CUX1: variants seen among roughly 807,000 people sequenced by gnomAD.
The protein encoded by CUX1 is cut like homeobox 1, also known as protein CASP.
Under a neutral mutation model 158.8 loss-of-function variants are expected in CUX1, and 31 were observed. That is an observed-to-expected ratio of 0.20 (90% CI 0.15 to 0.26). CUX1 has a LOEUF of 0.26. Among genes scored for constraint, CUX1 ranks in the 10% least tolerant of loss-of-function variants. The probability of loss-of-function intolerance (pLI) is 1.00; values close to 1 mark genes in which losing one functional copy is unlikely to be tolerated. For missense variants in CUX1, 1,589 were observed against 2,014.6 expected, an observed-to-expected ratio of 0.79 and a Z score of 4.04; for synonymous variants, 879 against 862.1, an observed-to-expected ratio of 1.02 and a Z score of -0.34.
At chr7:102,185,128 C>T (rs1315679529) in intron 11 of CUX1, among the ~76,000 whole-genome samples, 1 of 152,184 alleles carries the variant, frequency 6.6e-6, no homozygotes, top group Non-Finnish European at 1.5e-5. Context: ...CCTTCACGAA[C>T]AGAGCCCCTG....
At chr7:102,202,926 T>C (rs1554520201) in intron 18 of CUX1, among the ~76,000 whole-genome samples, 2 of 152,208 alleles carry the variant, frequency 1.3e-5, no homozygotes, top group African/African-American at 4.8e-5. Context: ...GGGTTAACCG[T>C]GCCTGCCAAA....
At chr7:102,240,753 G>A (rs1403096043) in intron 23 of CUX1, among the ~76,000 whole-genome samples, 3 of 152,152 alleles carry the variant, frequency 2.0e-5, no homozygotes, top group Admixed American at 6.6e-5. Context: ...GTATTTCACC[G>A]AGTTATATCA....
intron 20 of CUX1, chr7:102,280,871 G>A: frequency 1.2e-6 from 2 of 1,610,032 alleles, no homozygotes; most frequent in Non-Finnish European, 1.7e-6. Flanking sequence ...GTGAGTCCCT[G>A]CCCCTACCCA....
In CUX1 at chr7:102,248,913, C is replaced by G. The variant is rs185988286; in HGVS notation, c.4389C>G (p.Pro1463=). The G allele has an allele frequency of 1.4e-5, 21 of 1,451,376 alleles. No homozygotes were observed. The highest frequency in any genetic ancestry group is 1.3e-4 in the South Asian group (10 of 77,716). The allele number at this position is 1,451,376 out of a possible 1,614,324, so 89.9% of individuals were successfully genotyped here. ...CGCTGCAGAGCCTTTTCGGCCTCCC[C>G]GAGGCCGCGGGCGCCCGGGACTCGC... ...PSSLQSLFGL[P]EAAGARDSRD... Residue 1463 remains proline (P), a synonymous_variant, in exon 24 of 24, where the codon CCC becomes CCG. Transcript: ENST00000292535. The surrounding 1 kb of genome is among the most constrained non-coding windows in gnomAD (Gnocchi z 5.8).
rs1283239220 is a variant in CUX1, at chr7:102,250,120, T to G, written c.*1078T>G. On this transcript the variant is annotated 3_prime_UTR_variant, in exon 24 of 24. Coordinates refer to ENST00000292535, the MANE Select transcript of CUX1 (RefSeq NM_181552.4). ...ATTTTATAATCTGCTTTTTAACCTC[T>G]AACCGCAGAGCACGCTGATCAGACC... The G allele has an allele frequency of 7.1e-6, 7 of 985,198 alleles. No individual in the cohort carries two copies. The highest frequency in any genetic ancestry group is 1.7e-5 in the African/African-American group (1 of 57,206). The allele number at this position is 985,198 out of a possible 1,614,324, so 61.0% of individuals were successfully genotyped here.
chr7:101,901,148 T>A (rs941898770), intron 1 of CUX1, among the ~76,000 whole-genome samples: 1 of 152,152 alleles, frequency 6.6e-6, no homozygotes, highest in African/African-American at 2.4e-5. Flanking sequence ...GAACCTGGTC[T>A]ACCCCAAATG....
intron 18 of CUX1, among the ~76,000 whole-genome samples, chr7:102,204,058 C>T (rs1193539766): frequency 6.6e-6 from 1 of 152,196 alleles, no homozygotes; most frequent in Non-Finnish European, 1.5e-5. Flanking sequence ...GGTGCTTGTA[C>T]ACACCTCCTC....
chr7:101,999,030 C>A (rs911732289), intron 2 of CUX1, among the ~76,000 whole-genome samples: 1 of 151,934 alleles, frequency 6.6e-6, no homozygotes, highest in Admixed American at 6.6e-5. Flanking sequence ...GGAATGCTGG[C>A]CTCCATCGTG....
chr7:102,170,353 T>G (rs1554510034), intron 9 of CUX1, 93 bp from the exon 10 acceptor site: 1 of 841,106 alleles, frequency 1.2e-6, no homozygotes, highest in African/African-American at 1.7e-5. Flanking sequence ...TCAATTATAG[T>G]CAGTCAGGCA....
intron 3 of CUX1, among the ~76,000 whole-genome samples, chr7:102,068,936 TAC>T (rs1825837606): frequency 6.6e-6 from 1 of 152,192 alleles, no homozygotes; most frequent in African/African-American, 2.4e-5. Flanking sequence ...AACAGACGTC[TAC>T]ACTAGAGGAA....
chr7:101,873,342 CA>C (rs1262414246), intron 1 of CUX1, among the ~76,000 whole-genome samples: 3 of 97,646 alleles, frequency 3.1e-5, no homozygotes, highest in Non-Finnish European at 5.5e-5. Flanking sequence ...TCCCTCCCCC[CA>C]CCCCATATGT....
In CUX1 at chr7:102,017,290, C is replaced by CAAA. The variant is rs10629776; in HGVS notation, c.142-10794_142-10792dup. Among the ~76,000 whole-genome samples, 743 of 131,572 alleles carry CAAA rather than the reference C, an allele frequency of 5.6e-3. 51 individuals carry two copies. The highest frequency in any genetic ancestry group is 0.012 in the Middle Eastern group (3 of 242). The allele number at this position is 131,572 out of a possible 152,430, so 86.3% of individuals were successfully genotyped here. A position where few individuals can be genotyped will look rare whatever the true frequency, so the allele number is the denominator to read the frequency against. Reference sequence around the variant, plus strand: ...TGGGGGACACAGAGAGACTCCATCTCAAAAAAAAAAAAAAAAGTGAGCTTG... The same window carrying CAAA: ...TGGGGGACACAGAGAGACTCCATCTCAAAAAAAAAAAAAAAAAAAGTGAGCTTG... On this transcript the variant is annotated intron_variant, in intron 2 of 23. Transcript: ENST00000292535.
intron 1 of CUX1, among the ~76,000 whole-genome samples, chr7:101,853,384 CTGTTA>C (rs1020794087): frequency 1.3e-5 from 2 of 152,202 alleles, no homozygotes; most frequent in African/African-American, 4.8e-5. Context: ...GTGAGGTTGT[CTGTTA>C]TAACTGTGGT....
chr7:102,012,103 A>G (rs1183622731), intron 2 of CUX1, among the ~76,000 whole-genome samples: 1 of 152,196 alleles, frequency 6.6e-6, no homozygotes, highest in African/African-American at 2.4e-5. Context: ...TTCTAAAATA[A>G]TTTCACCCAA....
chr7:101,848,051 CAAAAAAAAAAA>C (rs57428019), intron 1 of CUX1, among the ~76,000 whole-genome samples: 1 of 65,378 alleles, frequency 1.5e-5, no homozygotes, highest in Non-Finnish European at 2.7e-5. Flanking sequence ...GAGCAAGACT[CAAAAAAAAAAA>C]AAAAAAAAAA....
At chr7:102,003,320 A>G (rs1816928250) in intron 2 of CUX1, among the ~76,000 whole-genome samples, 1 of 151,066 alleles carries the variant, frequency 6.6e-6, no homozygotes, top group African/African-American at 2.4e-5. Context: ...ACACACACAC[A>G]CACACACACA....
intron 8 of CUX1, among the ~76,000 whole-genome samples, chr7:102,148,208 G>A (rs1295283049): frequency 2.6e-5 from 4 of 152,120 alleles, no homozygotes; most frequent in Non-Finnish European, 5.9e-5. Context: ...ACCCAGGCCT[G>A]TAGGTGGGAC....
chr7:101,991,395 TC>T lies in CUX1; in HGVS notation c.142-36701del, dbSNP rs566372320. On this transcript the variant is annotated intron_variant, in intron 2 of 23. Transcript: ENST00000292535. The stretch of plus-strand genomic sequence containing the variant: ...CATGTCTCTGTTTTGTTGACCAACT[TC>T]CGCTAGAATTCATAGCCATCTAGCC... Among the ~76,000 whole-genome samples, 448 of 152,340 alleles carry T rather than the reference TC, an allele frequency of 2.9e-3. 2 individuals carry two copies. Among genetic ancestry groups the T allele is most frequent in the Admixed American group, 3.9e-3 (60 of 15,298 alleles).
intron 1 of CUX1, among the ~76,000 whole-genome samples, chr7:101,848,075 A>AAAAAAAAAAAAAAAAAT (rs1795891209): frequency 7.1e-6 from 1 of 139,926 alleles, no homozygotes; most frequent in East Asian, 2.1e-4. Flanking sequence ...AAAAAAAAAA[A>AAAAAAAAAAAAAAAAAT]GAAAAGAAAA....
Sources: gnomAD v4.1 joint callset for allele counts (sites outside exome capture counted in the v4.1 genomes callset) on GRCh38, gnomAD v4.1.1 for gene constraint, Gnocchi (gnomAD v3.1) non-coding constraint, MANE v1.5 for transcripts, NCBI Gene and HGNC (gene_info 2026-07-23, HGNC 2026-07-21) for gene names.